FAM133B: variants seen among roughly 807,000 people sequenced by gnomAD.
The protein encoded by FAM133B is protein FAM133B.
FAM133B carries 25 observed loss-of-function variants against 46.4 expected under a neutral mutation model. That is an observed-to-expected ratio of 0.54 (90% confidence interval 0.39 to 0.75). The LOEUF (loss-of-function observed/expected upper bound fraction) is 0.75, where lower values mean the gene tolerates loss of function less well. FAM133B is among the 30% of genes least tolerant of loss of function. The pLI is 0.00. For synonymous variants in FAM133B, 75 were observed against 86.0 expected, an observed-to-expected ratio of 0.87 and a Z score of 0.71; for missense variants, 205 against 277.6, an observed-to-expected ratio of 0.74 and a Z score of 1.86.
At chr7:92,574,929 A>G (rs1176233493) in intron 8 of FAM133B, among the ~76,000 whole-genome samples, 4 of 148,652 alleles carry the variant, frequency 2.7e-5, no homozygotes, top group African/African-American at 1.0e-4. Flanking sequence ...AAAAAAAAAT[A>G]TGTAAATTCT....
At chr7:92,562,539 A>G (rs1043817967) in intron 10 of FAM133B, among the ~76,000 whole-genome samples, 171 bp from the exon 11 acceptor site, 25 of 152,204 alleles carry the variant, frequency 1.6e-4, no homozygotes, top group Non-Finnish European at 3.1e-4. Context: ...GAGGACTAAA[A>G]CAGTTCTTGT....
At chr7:92,570,465 C>A (rs1388865487) in intron 8 of FAM133B, among the ~76,000 whole-genome samples, 1 of 151,822 alleles carries the variant, frequency 6.6e-6, no homozygotes, top group Admixed American at 6.6e-5. Context: ...TACTTAGGGG[C>A]TTAAATATAT....
chr7:92,564,170 TTC>T (rs1299924448), intron 10 of FAM133B, among the ~76,000 whole-genome samples: 1 of 152,164 alleles, frequency 6.6e-6, no homozygotes, highest in Non-Finnish European at 1.5e-5. Context: ...ATCAAGCTTA[TTC>T]TCACTATAGG....
intron 9 of FAM133B, 23 bp from the exon 10 acceptor site, chr7:92,566,084 G>C (rs749705254): frequency 1.9e-6 from 3 of 1,610,942 alleles, no homozygotes; most frequent in Non-Finnish European, 2.5e-6. Context: ...AATTTTTGTG[G>C]AGAACAGAAG....
chr7:92,588,483 G>C (rs1300617760), intron 1 of FAM133B, among the ~76,000 whole-genome samples: 1 of 152,170 alleles, frequency 6.6e-6, no homozygotes, highest in African/African-American at 2.4e-5. Flanking sequence ...AATCAAGATA[G>C]CACAACAAAG....
At chr7:92,564,695 C>A (rs1169345684) in intron 10 of FAM133B, among the ~76,000 whole-genome samples, 1 of 152,172 alleles carries the variant, frequency 6.6e-6, no homozygotes, top group Non-Finnish European at 1.5e-5. Flanking sequence ...ATGATGTTTT[C>A]ATTTTTCTTT....
Position 92,578,299 on chromosome 7 carries a change from T to C in FAM133B, c.276+20A>G. On this transcript the variant is annotated intron_variant, in intron 4 of 10. Transcript: ENST00000445716. ...CCAACTATGAGATTAAGAATAGCAA[T>C]AAACTAAAAGTGGTATTACCTGTCT... 1 of 1,611,440 alleles carries C rather than the reference T, an allele frequency of 6.2e-7. No individual in the cohort carries two copies. Among genetic ancestry groups the C allele is most frequent in the African/African-American group, 1.3e-5 (1 of 75,022 alleles).
At chr7:92,577,862 G>T in intron 5 of FAM133B, 145 bp from the exon 6 acceptor site, 2 of 717,020 alleles carry the variant, frequency 2.8e-6, no homozygotes, top group East Asian at 2.8e-5. Context: ...AATATAAAAT[G>T]TCACACTTGT....
intron 8 of FAM133B, among the ~76,000 whole-genome samples, chr7:92,574,671 C>T (rs541594052): frequency 1.3e-4 from 19 of 149,636 alleles, no homozygotes; most frequent in Admixed American, 2.7e-4. Flanking sequence ...TTTGGGAGGC[C>T]GAGGCGGGTG....
Position 92,566,163 on chromosome 7 carries a change from G to A in FAM133B, c.610-102C>T. ...TATCTTGCATCTTCAAAATTTAAAT[G>A]TAAAAAACATTTTGACAATCACAGG... is the stretch of plus-strand genomic sequence containing the variant. On this transcript the variant is annotated intron_variant, in intron 9 of 10. Coordinates refer to ENST00000445716, the MANE Select transcript of FAM133B (RefSeq NM_152789.4). 2.8e-6 allele frequency: 3 copies of A among 1,069,002 alleles called. No individual in the cohort carries two copies. In the South Asian group the frequency reaches 4.2e-5, roughly 15 times the overall value. 66.2% of individuals were successfully genotyped at this position (1,069,002 alleles called of 1,614,324 possible).
At position 92,590,333 on chromosome 7, in the gene FAM133B, G is replaced by A. The variant is rs577048372; in HGVS notation, c.-42C>T. 1.2e-5 allele frequency: 19 copies of A among 1,613,088 alleles called. 1 individual carries two copies. The highest frequency in any genetic ancestry group is 1.6e-4 in the Middle Eastern group (1 of 6,072). On this transcript the variant is annotated 5_prime_UTR_variant, in exon 1 of 11. Transcript: ENST00000445716. ...CACAGTAGCACGCCGAGGGAAACCG[G>A]GCCGGAGAGACTGCCGAAGAGGGCC...
At chr7:92,575,508 TTAATCTGC>T (rs1402965945) in intron 8 of FAM133B, among the ~76,000 whole-genome samples, 1 of 152,152 alleles carries the variant, frequency 6.6e-6, no homozygotes, top group African/African-American at 2.4e-5. Context: ...AAGGAAATGT[TTAATCTGC>T]TAATCTGCAT....
chr7:92,586,115 T>C (rs1410873514), intron 1 of FAM133B, among the ~76,000 whole-genome samples: 3 of 152,296 alleles, frequency 2.0e-5, no homozygotes, highest in East Asian at 1.9e-4. Flanking sequence ...CAGAGGAAAA[T>C]GCTAGTAAAG....
intron 9 of FAM133B, among the ~76,000 whole-genome samples, chr7:92,567,304 A>G (rs1293252880): frequency 1.3e-5 from 2 of 152,248 alleles, no homozygotes; most frequent in Non-Finnish European, 2.9e-5. Context: ...GAGATATTTC[A>G]TATTAAACTT....
intron 9 of FAM133B, 41 bp from the exon 10 acceptor site, chr7:92,566,102 T>C (rs774758734): frequency 4.4e-6 from 7 of 1,594,942 alleles, no homozygotes; most frequent in African/African-American, 4.0e-5. Context: ...AAGACAAACA[T>C]GTAATTTGTA....
chr7:92,590,111 G>T, intron 1 of FAM133B, 157 bp downstream of exon 1: 2 of 1,065,772 alleles, frequency 1.9e-6, no homozygotes, highest in Non-Finnish European at 2.7e-6. Context: ...CGTGCGCGGC[G>T]CACGCGCATC....
At chr7:92,576,948 A>G (rs982061517) in intron 7 of FAM133B, among the ~76,000 whole-genome samples, 155 bp downstream of exon 7, 1 of 152,234 alleles carries the variant, frequency 6.6e-6, no homozygotes, top group African/African-American at 2.4e-5. Flanking sequence ...ATTAAATGTC[A>G]CATGCAAGAT....
intron 5 of FAM133B, 30 bp from the exon 6 acceptor site, chr7:92,577,747 G>A: frequency 6.6e-7 from 1 of 1,526,448 alleles, no homozygotes; most frequent in Non-Finnish European, 8.9e-7. Context: ...ATTAAAGCTT[G>A]TGAGATGCGA....
chr7:92,576,986 T>C (rs1432228249), intron 7 of FAM133B, 117 bp downstream of exon 7: 18 of 520,870 alleles, frequency 3.5e-5, no homozygotes, highest in Non-Finnish European at 4.8e-5. Context: ...TTAAGTGGCA[T>C]AGAACATCAA....
Sources: gnomAD v4.1 joint callset for allele counts (sites outside exome capture counted in the v4.1 genomes callset) on GRCh38, gnomAD v4.1.1 for gene constraint, MANE v1.5 for transcripts, NCBI Gene and HGNC (gene_info 2026-07-23, HGNC 2026-07-21) for gene names.